The following PCNX3 variants were observed in gnomAD, a reference collection of about 807,000 sequenced individuals.
The protein encoded by PCNX3 is pecanex-like protein 3.
A neutral mutation model predicts 207.2 loss-of-function variants in PCNX3; 58 were observed. The ratio of observed to expected loss-of-function variants is 0.28; its 90% CI spans 0.23 to 0.35. The LOEUF (loss-of-function observed/expected upper bound fraction) is 0.35. Among genes scored for constraint, PCNX3 ranks in the 10% least tolerant of loss-of-function variants. The pLI is 1.00. For synonymous variants in PCNX3, 1,337 were observed against 1,183.5 expected, an observed-to-expected ratio of 1.13 and a Z score of -2.66; for missense variants, 2,410 against 2,774.4, an observed-to-expected ratio of 0.87 and a Z score of 2.95.
rs1476386315 is a variant in PCNX3, at chr11:65,628,923, C to G, written c.3916C>G (p.Leu1306Val). ...AVFIMSYARP[L>V]KFWERDYNTK... ...CTTCATCATGTCCTACGCTCGGCCCCTCAAGTTCTGGGAGCGCGACTACAA... is the reference window on the plus strand; with the variant it reads ...CTTCATCATGTCCTACGCTCGGCCCGTCAAGTTCTGGGAGCGCGACTACAA... The change falls in exon 24 of 35, where the codon CTC (leucine) becomes GTC (valine). Residue 1306 changes from leucine to valine, a missense_variant. Around this residue, in one of 8 missense-constraint regions of PCNX3, gnomAD observed 420 missense variants for 705.3 expected, o/e 0.60. Transcript: ENST00000355703. 6.2e-7 allele frequency: 1 copy of G among 1,612,360 alleles called. No homozygotes were observed. The highest frequency in any genetic ancestry group is 8.5e-7 in the Non-Finnish European group (1 of 1,179,818).
In PCNX3 at chr11:65,617,962, T is replaced by C. The variant is rs1361355450; in HGVS notation, c.600T>C (p.Pro200=). 3.8e-6 allele frequency: 6 copies of C among 1,594,200 alleles called. No individual in the cohort carries two copies. In the Admixed American group the frequency reaches 1.1e-4, roughly 28 times the overall value. The change falls in exon 6 of 35, where the codon CCT becomes CCC. Residue 200 remains proline, a synonymous_variant. Coordinates refer to ENST00000355703, the MANE Select transcript of PCNX3 (RefSeq NM_032223.4). Reference sequence around the variant, plus strand: ...CAGTTGGAGACCTTCCCCAGACGCCTCCAGGGGCTGTCCCAGACCCCTCTC... The same window carrying C: ...CAGTTGGAGACCTTCCCCAGACGCCCCCAGGGGCTGTCCCAGACCCCTCTC... The part of the protein sequence containing the change: ...EKLIGDLPQT[P]PGAVPDPSLA...
rs1854702413 is a variant in PCNX3 at position 65,615,920 on chromosome 11, C to G, written c.-392C>G. On this transcript the variant is annotated 5_prime_UTR_variant, in exon 1 of 35. Coordinates refer to ENST00000355703, the MANE Select transcript of PCNX3 (RefSeq NM_032223.4). ...TGGACCCCAGATCCTGGGGTTCTCC[C>G]TGGTCCGGAGACTAGGGAGCTGTCG... The G allele has an allele frequency of 6.4e-6, 1 of 156,060 alleles. No individual in the cohort carries two copies. The highest frequency in any genetic ancestry group is 2.0e-4 in the South Asian group (1 of 4,936). 9.7% of individuals were successfully genotyped at this position (156,060 alleles called of 1,614,324 possible).
rs374309953 is a variant in PCNX3 at position 65,618,303 on chromosome 11, A to G, written c.941A>G (p.Lys314Arg). 3.1e-6 allele frequency: 5 copies of G among 1,610,202 alleles called. No individual in the cohort carries two copies. The African/African-American group carries it at 6.7e-5, about 22-fold the overall frequency. Residue 314 changes from lysine (K) to arginine (R), a missense_variant, in exon 6 of 35, where the codon AAG becomes AGG. Physicochemically the swap from Lys to Arg is conservative, Grantham distance 26. This residue lies in a region of PCNX3 where 1,104 missense variants were observed against 970.3 expected (regional missense o/e 1.14). Coordinates refer to ENST00000355703, the MANE Select transcript of PCNX3 (RefSeq NM_032223.4). ...GACAGGGAGACATTGAGCAGCTTCA[A>G]GAGTGAGAAGACCAACTCCACCCAT... ...GTDRETLSSFKSEKTNSTHLD... is the reference protein window; with the variant it reads ...GTDRETLSSFRSEKTNSTHLD...
chr11:65,619,032 G>C lies in PCNX3; in HGVS notation c.1670G>C (p.Arg557Pro), dbSNP rs756251840. 6.3e-7 allele frequency: 1 copy of C among 1,592,474 alleles called. No homozygotes were observed. The highest frequency in any genetic ancestry group is 8.5e-7 in the Non-Finnish European group (1 of 1,176,962). The change falls in exon 6 of 35, where the codon CGG (arginine) becomes CCG (proline). Residue 557 changes from arginine to proline, a missense_variant. Physicochemically the swap from Arg to Pro is moderately radical, Grantham distance 103. Transcript: ENST00000355703. ...CCCGCTGCCAACCAGCCCGGCTGGCGGGGGGAGCTGCAGGAGGAAGGTGCT... is the reference window on the plus strand; with the variant it reads ...CCCGCTGCCAACCAGCCCGGCTGGCCGGGGGAGCTGCAGGAGGAAGGTGCT... ...RGPAANQPGW[R>P]GELQEEGAVG...
intron 11 of PCNX3, 56 bp from the exon 12 acceptor site, chr11:65,623,435 T>C: frequency 6.6e-7 from 1 of 1,522,454 alleles, no homozygotes; most frequent in Non-Finnish European, 8.8e-7. Flanking sequence ...TCTTCCCCAC[T>C]GCCCCACTGG....
In PCNX3 at chr11:65,616,806, G is replaced by A. The variant is rs747079266; in HGVS notation, c.154-18G>A. ...GCGAGGCTTTGTGAAAAGGGACCTG[G>A]CTTACTTTCATCTTCAGGTCCTGCC... On this transcript the variant is annotated intron_variant, in intron 1 of 34. Coordinates refer to ENST00000355703, the MANE Select transcript of PCNX3 (RefSeq NM_032223.4). 1 of 1,604,480 alleles carries A rather than the reference G, an allele frequency of 6.2e-7. No homozygotes were observed. Among genetic ancestry groups the A allele is most frequent in the East Asian group, 2.2e-5 (1 of 44,628 alleles).
chr11:65,628,362 G>A (rs1169845862), intron 22 of PCNX3, among the ~76,000 whole-genome samples: 1 of 152,196 alleles, frequency 6.6e-6, no homozygotes, highest in Non-Finnish European at 1.5e-5. Flanking sequence ...AAGCTCACAG[G>A]GTACTTGTGT....
intron 23 of PCNX3, 27 bp from the exon 24 acceptor site, chr11:65,628,792 C>A (rs1281919524): frequency 6.2e-7 from 1 of 1,608,732 alleles, no homozygotes; most frequent in Non-Finnish European, 8.5e-7. Flanking sequence ...GGTCCTGTTG[C>A]CCGCCGCCTC....
chr11:65,629,728 G>A lies in PCNX3; in HGVS notation c.4209G>A (p.Glu1403=). Residue 1403 remains glutamate (E), a synonymous_variant, in exon 26 of 35, where the codon GAG becomes GAA. Coordinates refer to ENST00000355703, the MANE Select transcript of PCNX3 (RefSeq NM_032223.4). ...GLVTFQLRGL[E]FRGTYCQQRE... is the part of the protein sequence containing the mutation. ...TCACCTTCCAGCTGCGTGGCCTTGA[G>A]TTCCGGGGTGAGCCGCAGGACCAGG... The A allele has an allele frequency of 1.3e-6, 2 of 1,550,186 alleles. No homozygotes were observed. Among genetic ancestry groups the A allele is most frequent in the Non-Finnish European group, 1.7e-6 (2 of 1,147,324 alleles).
Position 65,622,374 on chromosome 11 carries a change from T to TC in PCNX3, c.2357+11dup, listed in dbSNP as rs1399580255. On this transcript the variant is annotated intron_variant, in intron 11 of 34. Transcript: ENST00000355703. ...GCTGGCTCTGCTGGACCGGTGAGTG[T>TC]CCCGCAGCCTTGGCCCCCAATTCTT... is the stretch of plus-strand genomic sequence containing the variant. 6.3e-7 allele frequency: 1 copy of TC among 1,588,782 alleles called. No homozygotes were observed. Among genetic ancestry groups the TC allele is most frequent in the African/African-American group, 1.3e-5 (1 of 74,292 alleles).
Position 65,626,606 on chromosome 11 carries a change from G to A in PCNX3, c.3380-298G>A, listed in dbSNP as rs1346220769. On this transcript the variant is annotated intron_variant, in intron 20 of 34. Coordinates refer to ENST00000355703, the MANE Select transcript of PCNX3 (RefSeq NM_032223.4). The stretch of plus-strand genomic sequence containing the variant: ...AGGGCCCAGCTCACGGGCTCACTGT[G>A]CACTCAGGCCCTAGCCAGCCTGCTG... 1.5e-5 allele frequency: 7 copies of A among 479,978 alleles called. No individual in the cohort carries two copies. The Admixed American group carries it at 1.7e-4, about 12-fold the overall frequency. The allele number at this position is 479,978 out of a possible 1,614,324, so 29.7% of individuals were successfully genotyped here.
rs1194606226 is a variant in PCNX3 at position 65,619,855 on chromosome 11, C to T, written c.1931C>T (p.Ala644Val). 6.2e-7 allele frequency: 1 copy of T among 1,610,120 alleles called. No homozygotes were observed. Among genetic ancestry groups the T allele is most frequent in the East Asian group, 2.2e-5 (1 of 44,868 alleles). ...GCCTCTTCACTGTTGCTCACCCGGG[C>T]CGGTGCCAATGTGCATGAGGCCTGC... ...HFASSLLLTR[A>V]GANVHEACTF... The change falls in exon 8 of 35, where the codon GCC (alanine) becomes GTC (valine). Residue 644 changes from alanine (A) to valine (V), a missense_variant. Ala to Val is a moderately conservative substitution (Grantham distance 64). This residue lies in a region of PCNX3 where 1,104 missense variants were observed against 970.3 expected (regional missense o/e 1.14). Coordinates refer to ENST00000355703, the MANE Select transcript of PCNX3 (RefSeq NM_032223.4).
Position 65,636,583 on chromosome 11 carries a change from C to A in PCNX3, c.5786C>A (p.Ser1929Tyr), listed in dbSNP as rs368541735. The A allele has an allele frequency of 6.3e-7, 1 of 1,594,226 alleles. No homozygotes were observed. The part of the protein sequence containing the change: ...SRPPGPGLLS[S>Y]EGPSGKWSLG... ...CCCCCTGGCCCGGGTCTCCTCAGTT[C>A]TGAGGGCCCCAGTGGAAAGTGGAGC... The change falls in exon 34 of 35, where the codon TCT becomes TAT. Residue 1929 changes from serine (S) to tyrosine (Y), a missense_variant. By Grantham distance (144) the Ser-to-Tyr change is moderately radical. This residue lies in a region of PCNX3 where 278 missense variants were observed against 245.1 expected (regional missense o/e 1.13). Transcript: ENST00000355703.
At chr11:65,621,847 G>T (rs948619496) in intron 10 of PCNX3, among the ~76,000 whole-genome samples, 1 of 152,250 alleles carries the variant, frequency 6.6e-6, no homozygotes, top group Non-Finnish European at 1.5e-5. Flanking sequence ...CTCGGATGGG[G>T]TAGTCAGAGT....
chr11:65,630,927 A>T (rs1402124415), intron 27 of PCNX3, among the ~76,000 whole-genome samples: 2 of 152,260 alleles, frequency 1.3e-5, no homozygotes, highest in East Asian at 3.8e-4. Context: ...GAGCAGTGGT[A>T]GAGCTAACAG....
In PCNX3 at chr11:65,635,923, C is replaced by T. The variant is rs767473032; in HGVS notation, c.5459+120C>T. 1.4e-6 allele frequency: 2 copies of T among 1,380,412 alleles called. No homozygotes were observed. The highest frequency in any genetic ancestry group is 1.5e-5 in the South Asian group (1 of 68,116). The allele number at this position is 1,380,412 out of a possible 1,614,324, so 85.5% of individuals were successfully genotyped here. A position where few individuals can be genotyped will look rare whatever the true frequency, so the allele number is the denominator to read the frequency against. On this transcript the variant is annotated intron_variant, in intron 32 of 34. Transcript: ENST00000355703. The surrounding 1 kb of genome is among the most constrained non-coding windows in gnomAD (Gnocchi z 9.9). ...GGGCTTGAATCCCGAGAGATGACCC[C>T]CTCCCAGAGCTGACCTGCCCCTCCT...
intron 11 of PCNX3, among the ~76,000 whole-genome samples, chr11:65,623,156 C>T (rs1054493054): frequency 2.6e-5 from 4 of 152,244 alleles, no homozygotes; most frequent in African/African-American, 9.6e-5. Context: ...CATAGCGTGG[C>T]ACGCCCAAGG....
rs200487025 is a variant in PCNX3, at chr11:65,625,905, C to G, written c.3230C>G (p.Ser1077Trp). 3.7e-6 allele frequency: 6 copies of G among 1,612,302 alleles called. No homozygotes were observed. Among genetic ancestry groups the G allele is most frequent in the South Asian group, 1.1e-5 (1 of 90,912 alleles). ...GTCTCTGGCCTCTCCCTCCTGCAGTCGGTGCTGGGTTTCGTGTTGTACGCA... is the reference window on the plus strand; with the variant it reads ...GTCTCTGGCCTCTCCCTCCTGCAGTGGGTGCTGGGTTTCGTGTTGTACGCA... ...SASTVFIALKSVLGFVLYALA... is the reference protein window; with the variant it reads ...SASTVFIALKWVLGFVLYALA... The change falls in exon 20 of 35, where the codon TCG (serine) becomes TGG (tryptophan). Residue 1077 changes from serine to tryptophan, a missense_variant and splice_region_variant. Physicochemically the swap from Ser to Trp is radical, Grantham distance 177. Coordinates refer to ENST00000355703, the MANE Select transcript of PCNX3 (RefSeq NM_032223.4). This position sits in a 1 kb window ranked among gnomAD's most constrained non-coding sequence, Gnocchi z 5.6.
Position 65,625,219 on chromosome 11 carries a change from G to T in PCNX3, c.2968G>T (p.Gly990Cys). 1 of 1,611,210 alleles carries T rather than the reference G, an allele frequency of 6.2e-7. No homozygotes were observed. The highest frequency in any genetic ancestry group is 8.5e-7 in the Non-Finnish European group (1 of 1,179,658). ...CCCTGTCCTCTTCTCAGTCTTCTGT[G>T]GCCTCCTGGTGGCACTGTCCTACCA... Reference protein sequence around the residue: ...HVPVLFSVFCGLLVALSYHLS... With the variant: ...HVPVLFSVFCCLLVALSYHLS... Residue 990 changes from glycine (G) to cysteine (C), a missense_variant, in exon 17 of 35, where the codon GGC becomes TGC. Gly to Cys is a radical substitution (Grantham distance 159). Coordinates refer to ENST00000355703, the MANE Select transcript of PCNX3 (RefSeq NM_032223.4). This position sits in a 1 kb window ranked among gnomAD's most constrained non-coding sequence, Gnocchi z 5.6.
Sources: allele counts gnomAD v4.1 joint callset (sites outside exome capture counted in the v4.1 genomes callset), GRCh38; gene constraint gnomAD v4.1.1; regional missense constraint gnomAD v4.1.1; non-coding constraint Gnocchi (gnomAD v3.1); transcripts MANE v1.5; gene names NCBI Gene and HGNC (gene_info 2026-07-23, HGNC 2026-07-21).